TMBIM4: variants seen among roughly 807,000 people sequenced by gnomAD.
The protein encoded by TMBIM4 is transmembrane BAX inhibitor motif containing 4, also known as protein lifeguard 4.
TMBIM4 carries 28 observed loss-of-function variants against 27.7 expected under a neutral mutation model. The observed-to-expected ratio is 1.01, with a 90% CI of 0.75 to 1.38. TMBIM4 has a LOEUF of 1.38. Ranked by LOEUF, TMBIM4 falls within the 40% of genes most tolerant of loss-of-function variation. The pLI, the probability that TMBIM4 is intolerant of heterozygous loss-of-function variation, is 0.00. For missense variants in TMBIM4, 265 were observed against 277.5 expected (o/e 0.95, Z 0.32); for synonymous variants, 115 against 113.1 (o/e 1.02, Z -0.11).
rs1423721850 is a variant in TMBIM4 at position 66,167,806 on chromosome 12, C to T, written c.97+2049G>A. Reference sequence around the variant, plus strand: ...ACGGTCTTGAAGAGGTATGTGCACACCTATATTCATGACAGCACTATTCAA... The same window carrying T: ...ACGGTCTTGAAGAGGTATGTGCACATCTATATTCATGACAGCACTATTCAA... On this transcript the variant is annotated intron_variant, in intron 1 of 6. Coordinates refer to ENST00000358230, the MANE Select transcript of TMBIM4 (RefSeq NM_016056.4). Among the ~76,000 whole-genome samples the T allele has an allele frequency of 2.0e-5, 3 of 152,158 alleles. No homozygotes were observed. The East Asian group carries it at 5.8e-4, about 29-fold the overall frequency.
intron 1 of TMBIM4, among the ~76,000 whole-genome samples, chr12:66,159,312 G>T (rs181401703): frequency 5.9e-5 from 9 of 152,306 alleles, no homozygotes; most frequent in East Asian, 3.9e-4. Context: ...GCCATGTCAT[G>T]AGGACACTGA....
intron 3 of TMBIM4, among the ~76,000 whole-genome samples, chr12:66,150,738 C>T (rs1368922415): frequency 6.6e-6 from 1 of 152,136 alleles, no homozygotes; most frequent in Non-Finnish European, 1.5e-5. Context: ...ACTCAGGAAT[C>T]TGAACTCAGA....
At chr12:66,147,066 A>G (rs1448194861) in intron 4 of TMBIM4, among the ~76,000 whole-genome samples, 2 of 152,130 alleles carry the variant, frequency 1.3e-5, no homozygotes, top group Non-Finnish European at 2.9e-5. Context: ...AAGTAACATT[A>G]ATAATAAGTA....
In TMBIM4 at chr12:66,152,894, T is replaced by C. The variant is rs534418852; in HGVS notation, c.206+446A>G. 1.2e-3 allele frequency among the ~76,000 whole-genome samples: 184 copies of C among 151,970 alleles called. 1 individual carries two copies. The highest frequency in any genetic ancestry group is 4.4e-3 in the African/African-American group (181 of 41,526). ...CAAAACTGTATCATGGAAATAATTA[T>C]GATTCATCCCTGATTAAAGATCAGG... On this transcript the variant is annotated intron_variant, in intron 2 of 6. Coordinates refer to ENST00000358230, the MANE Select transcript of TMBIM4 (RefSeq NM_016056.4).
chr12:66,160,300 G>A, intron 1 of TMBIM4: 1 of 696,446 alleles, frequency 1.4e-6, no homozygotes, highest in Non-Finnish European at 2.6e-6. Flanking sequence ...CAATCTCTCT[G>A]GAGAACTGAT....
chr12:66,155,359 A>AGAGAGAGAGAGAGAGAGAGAGAGG (rs1319061177), intron 1 of TMBIM4, among the ~76,000 whole-genome samples: 9 of 150,614 alleles, frequency 6.0e-5, no homozygotes, highest in Non-Finnish European at 1.0e-4. Context: ...AGAGAGAGAG[A>AGAGAGAGAGAGAGAGAGAGAGAGG]GGCAGGGTCT....
intron 2 of TMBIM4, 147 bp from the exon 3 acceptor site, chr12:66,152,523 T>C: frequency 2.1e-6 from 1 of 472,480 alleles, no homozygotes; most frequent in South Asian, 4.6e-5. Context: ...TATCAAATTA[T>C]TTTATATCTG....
chr12:66,156,639 T>A (rs1462518667), intron 1 of TMBIM4, among the ~76,000 whole-genome samples: 1 of 152,164 alleles, frequency 6.6e-6, no homozygotes, highest in East Asian at 1.9e-4. Flanking sequence ...TCGTTCCACT[T>A]AAAATAAAAT....
At chr12:66,145,226 AAG>A (rs1232929791) in intron 5 of TMBIM4, 2 of 152,210 alleles carry the variant, frequency 1.3e-5, no homozygotes, top group African/African-American at 2.4e-5. Context: ...AAAGTTTAGC[AAG>A]AGCAGAGTTT....
chr12:66,165,790 T>G (rs908449046), intron 1 of TMBIM4, among the ~76,000 whole-genome samples: 2 of 152,244 alleles, frequency 1.3e-5, no homozygotes, highest in Non-Finnish European at 2.9e-5. Flanking sequence ...TTTTTGTTAT[T>G]GAATGGTAGG....
Position 66,137,811 on chromosome 12 carries a change from T to A in TMBIM4, c.*149A>T. ...TTAAAGCTCTCAAAATTACATATGA[T>A]ACAAATAAAGATTGTAACAGTATTT... On this transcript the variant is annotated 3_prime_UTR_variant, in exon 7 of 7. Transcript: ENST00000358230. 1.6e-6 allele frequency: 1 copy of A among 627,814 alleles called. No individual in the cohort carries two copies. 38.9% of individuals were successfully genotyped at this position (627,814 alleles called of 1,614,324 possible). A position where few individuals can be genotyped will look rare whatever the true frequency, so the allele number is the denominator to read the frequency against.
chr12:66,169,660 G>A lies in TMBIM4; in HGVS notation c.97+195C>T, dbSNP rs1412601264. On this transcript the variant is annotated intron_variant, in intron 1 of 6. Coordinates refer to ENST00000358230, the MANE Select transcript of TMBIM4 (RefSeq NM_016056.4). ...GCGCCCTCCCACACCCGCTAGGAGG[G>A]GAGGAAGCGCCTCCCCGACTCCCTG... 1.3e-5 allele frequency: 6 copies of A among 474,016 alleles called. No homozygotes were observed. In the East Asian group the frequency reaches 1.4e-4, roughly 11 times the overall value. The allele number at this position is 474,016 out of a possible 1,614,324, so 29.4% of individuals were successfully genotyped here.
chr12:66,168,322 AT>A (rs2052168431), intron 1 of TMBIM4, among the ~76,000 whole-genome samples: 2 of 152,124 alleles, frequency 1.3e-5, no homozygotes, highest in South Asian at 4.1e-4. Context: ...ACAAATACTG[AT>A]TGTATCTAGA....
At chr12:66,169,164 T>C (rs1353428628) in intron 1 of TMBIM4, 2 of 654,076 alleles carry the variant, frequency 3.1e-6, no homozygotes, top group East Asian at 2.8e-5. Context: ...TGGGGCTGTT[T>C]CGGCGATCAA....
chr12:66,151,536 C>T (rs914554476), intron 3 of TMBIM4, among the ~76,000 whole-genome samples: 3 of 152,138 alleles, frequency 2.0e-5, no homozygotes, highest in Non-Finnish European at 4.4e-5. Flanking sequence ...ACTGCACCCA[C>T]CCAAGTATTC....
At chr12:66,146,609 GAAT>G (rs2051756149) in intron 4 of TMBIM4, among the ~76,000 whole-genome samples, 1 of 152,076 alleles carries the variant, frequency 6.6e-6, no homozygotes, top group South Asian at 2.1e-4. Flanking sequence ...TGTAATTTTA[GAAT>G]AATCATCCAT....
intron 2 of TMBIM4, among the ~76,000 whole-genome samples, chr12:66,152,734 T>C (rs2051868389): frequency 6.6e-6 from 1 of 152,116 alleles, no homozygotes; most frequent in African/African-American, 2.4e-5. Context: ...ATGGCTGTAA[T>C]TTAAATTAAA....
At chr12:66,140,386 G>GATT (rs143387370) in intron 5 of TMBIM4, among the ~76,000 whole-genome samples, 7 of 152,042 alleles carry the variant, frequency 4.6e-5, no homozygotes, top group African/African-American at 1.7e-4. Context: ...ATTAATAGCA[G>GATT]ATTAGACACT....
intron 3 of TMBIM4, among the ~76,000 whole-genome samples, chr12:66,151,329 C>T (rs986708615): frequency 1.3e-5 from 2 of 152,120 alleles, no homozygotes; most frequent in Non-Finnish European, 2.9e-5. Context: ...CACCCCGCAA[C>T]CCCGTTACAG....
Sources: allele counts gnomAD v4.1 joint callset (sites outside exome capture counted in the v4.1 genomes callset), GRCh38; gene constraint gnomAD v4.1.1; transcripts MANE v1.5; gene names NCBI Gene and HGNC (gene_info 2026-07-23, HGNC 2026-07-21).